Variants in CAMK1D observed in about 807,000 individuals in gnomAD.
The protein encoded by CAMK1D is calcium/calmodulin-dependent protein kinase type 1D.
CAMK1D carries 9 observed loss-of-function variants against 47.7 expected under a neutral mutation model. The observed-to-expected ratio is 0.19, with a 90% CI of 0.11 to 0.33. The LOEUF (loss-of-function observed/expected upper bound fraction) is 0.33, where lower values mean the gene tolerates loss of function less well. CAMK1D is among the 10% of genes least tolerant of loss of function. The pLI, the probability that CAMK1D is intolerant of heterozygous loss-of-function variation, is 1.00. For synonymous variants in CAMK1D, 184 were observed against 184.9 expected (o/e 0.99, Z 0.04); for missense variants, 291 against 488.7 (o/e 0.60, Z 3.81).
At chr10:12,801,244 TCCA>T (rs1838418662) in intron 6 of CAMK1D, among the ~76,000 whole-genome samples, 2 of 151,840 alleles carry the variant, frequency 1.3e-5, no homozygotes, top group East Asian at 3.9e-4. Context: ...CATCCATCCA[TCCA>T]TCCATCCATC....
intron 3 of CAMK1D, among the ~76,000 whole-genome samples, chr10:12,719,677 A>C (rs771400075): frequency 6.6e-6 from 1 of 152,174 alleles, no homozygotes; most frequent in African/African-American, 2.4e-5. Flanking sequence ...GAACTCAGGA[A>C]GAACCCAGTG....
chr10:12,751,093 T>G (rs190468832), intron 3 of CAMK1D, among the ~76,000 whole-genome samples: 4 of 125,200 alleles, frequency 3.2e-5, no homozygotes, highest in East Asian at 2.2e-4. Context: ...TAAGATAAGA[T>G]AAGATAAGAT....
intron 1 of CAMK1D, among the ~76,000 whole-genome samples, chr10:12,525,068 A>G (rs538582369): frequency 2.6e-5 from 4 of 152,106 alleles, no homozygotes; most frequent in Admixed American, 2.0e-4. Context: ...TCTGACTTCC[A>G]TCATTCATGA....
chr10:12,593,762 T>C (rs1334379656), intron 2 of CAMK1D, among the ~76,000 whole-genome samples: 1 of 152,134 alleles, frequency 6.6e-6, no homozygotes, highest in Admixed American at 6.6e-5. Flanking sequence ...CTCCCCTCTC[T>C]CCTAAATCTA....
chr10:12,644,798 A>G (rs1404330841), intron 2 of CAMK1D, among the ~76,000 whole-genome samples: 7 of 152,302 alleles, frequency 4.6e-5, no homozygotes, highest in African/African-American at 1.7e-4. Context: ...TTCATAAGCC[A>G]TTACAGGTTA....
intron 2 of CAMK1D, among the ~76,000 whole-genome samples, chr10:12,643,593 A>G (rs1343450417): frequency 6.6e-6 from 1 of 152,068 alleles, no homozygotes; most frequent in Admixed American, 6.6e-5. Flanking sequence ...ATGAGACTCT[A>G]ATGTGTGGGG....
chr10:12,604,236 C>A (rs1216085913), intron 2 of CAMK1D, among the ~76,000 whole-genome samples: 1 of 152,140 alleles, frequency 6.6e-6, no homozygotes, highest in Non-Finnish European at 1.5e-5. Flanking sequence ...AATCATCGTT[C>A]ATTGTGAACG....
chr10:12,529,748 T>TA (rs1305105815), intron 1 of CAMK1D, among the ~76,000 whole-genome samples: 1 of 152,196 alleles, frequency 6.6e-6, no homozygotes, highest in African/African-American at 2.4e-5. Context: ...AAACGTAATT[T>TA]AAAAATACGA....
At chr10:12,683,770 G>C (rs956359838) in intron 3 of CAMK1D, among the ~76,000 whole-genome samples, 2 of 151,556 alleles carry the variant, frequency 1.3e-5, no homozygotes, top group Non-Finnish European at 2.9e-5. Flanking sequence ...GTGTGTGTGT[G>C]TGTGTGTGTG....
At chr10:12,569,328 T>C (rs567006779) in intron 2 of CAMK1D, among the ~76,000 whole-genome samples, 1 of 152,372 alleles carries the variant, frequency 6.6e-6, no homozygotes, top group East Asian at 1.9e-4. Context: ...TGGCATCTTG[T>C]ACATTGATTA....
At chr10:12,688,025 G>A (rs1198780391) in intron 3 of CAMK1D, among the ~76,000 whole-genome samples, 4 of 152,076 alleles carry the variant, frequency 2.6e-5, no homozygotes, top group African/African-American at 4.8e-5. Flanking sequence ...GAAAACAATC[G>A]CTGCCTACTA....
chr10:12,735,199 G>A (rs1835124536), intron 3 of CAMK1D, among the ~76,000 whole-genome samples: 1 of 152,202 alleles, frequency 6.6e-6, no homozygotes, highest in Non-Finnish European at 1.5e-5. Flanking sequence ...AGTGTCGGCC[G>A]GGCGCGGTGG....
chr10:12,516,692 T>C (rs1197300456), intron 1 of CAMK1D, among the ~76,000 whole-genome samples: 1 of 152,276 alleles, frequency 6.6e-6, no homozygotes, highest in Non-Finnish European at 1.5e-5. Flanking sequence ...TTAATAGTCA[T>C]GTAGTGATAT....
At chr10:12,448,959 C>T (rs368557675) in intron 1 of CAMK1D, among the ~76,000 whole-genome samples, 2 of 152,054 alleles carry the variant, frequency 1.3e-5, no homozygotes, top group Admixed American at 6.6e-5. Flanking sequence ...ATAATCTCAT[C>T]GGATGTTGTG....
chr10:12,441,070 C>T (rs371439829), intron 1 of CAMK1D, among the ~76,000 whole-genome samples: 2 of 152,384 alleles, frequency 1.3e-5, no homozygotes, highest in East Asian at 1.9e-4. Flanking sequence ...TTGTTTATTA[C>T]CATTAAATGA....
chr10:12,610,614 T>C (rs897993617), intron 2 of CAMK1D, among the ~76,000 whole-genome samples: 2 of 152,216 alleles, frequency 1.3e-5, no homozygotes, highest in Non-Finnish European at 2.9e-5. Flanking sequence ...GCAGAAGATG[T>C]CCTCACCAAC....
chr10:12,486,523 G>A (rs964367991), intron 1 of CAMK1D, among the ~76,000 whole-genome samples: 3 of 97,906 alleles, frequency 3.1e-5, no homozygotes, highest in African/African-American at 4.3e-5. Flanking sequence ...GTGTGCATGT[G>A]TGCGCGTGCA....
rs192923739 is a variant in CAMK1D at position 12,745,060 on chromosome 10, T to C, written c.300-15888T>C. ...CATTCTGGACTCCCTCATTGAACAGTCTCGCCATCGTCCAGGCTGGAGCGC... is the reference window on the plus strand; with the variant it reads ...CATTCTGGACTCCCTCATTGAACAGCCTCGCCATCGTCCAGGCTGGAGCGC... On this transcript the variant is annotated intron_variant, in intron 3 of 10. Coordinates refer to ENST00000619168, the MANE Select transcript of CAMK1D (RefSeq NM_153498.4). Among the ~76,000 whole-genome samples the C allele has an allele frequency of 3.5e-3, 528 of 152,374 alleles. 4 individuals are homozygous for C. Among genetic ancestry groups the C allele is most frequent in the South Asian group, 0.027 (128 of 4,824 alleles).
chr10:12,446,228 G>T (rs972447446), intron 1 of CAMK1D, among the ~76,000 whole-genome samples: 1 of 152,122 alleles, frequency 6.6e-6, no homozygotes, highest in African/African-American at 2.4e-5. Flanking sequence ...ATCAAGAATG[G>T]CTAATCCATA....
Sources: allele counts gnomAD v4.1 joint callset (sites outside exome capture counted in the v4.1 genomes callset), GRCh38; gene constraint gnomAD v4.1.1; transcripts MANE v1.5; gene names NCBI Gene and HGNC (gene_info 2026-07-23, HGNC 2026-07-21).